The following TPTE2 variants were observed in gnomAD, a reference collection of about 807,000 sequenced individuals.
The protein encoded by TPTE2 is transmembrane phosphoinositide 3-phosphatase and tensin homolog 2, also known as phosphatidylinositol 3,4,5-trisphosphate 3-phosphatase TPTE2.
Under a neutral mutation model 78.6 loss-of-function variants are expected in TPTE2, and 53 were observed. The observed-to-expected ratio is 0.67, with a 90% CI of 0.54 to 0.85. The LOEUF (loss-of-function observed/expected upper bound fraction) is 0.85. Among genes scored for constraint, TPTE2 ranks in the 40% least tolerant of loss-of-function variants. The pLI is 0.00. For missense variants in TPTE2, 461 were observed against 623.0 expected (o/e 0.74, Z 2.77); for synonymous variants, 175 against 206.2 (o/e 0.85, Z 1.30).
upstream of TPTE2, chr13:19,503,322 A>C: frequency 1.2e-6 from 2 of 1,605,742 alleles, no homozygotes; most frequent in Non-Finnish European, 1.7e-6. Context: ...GACACAATTC[A>C]AAATTTACTT....
intron 10 of TPTE2, among the ~76,000 whole-genome samples, chr13:19,460,866 T>A (rs1279786380): frequency 6.6e-6 from 1 of 152,188 alleles, no homozygotes; most frequent in Non-Finnish European, 1.5e-5. Context: ...ATTAATTTAG[T>A]CATCCACAGA....
In TPTE2 at chr13:19,458,328, T is replaced by G. The variant is rs146179604; in HGVS notation, c.741+6128A>C. On this transcript the variant is annotated intron_variant, in intron 10 of 19. Transcript: ENST00000400230. ...GAATTCTGGTGTATGAGATCTATTA[T>G]ATCATAGGACACATAAAAAAGTCAT... 1.7e-5 allele frequency: 4 copies of G among 233,184 alleles called. No individual in the cohort carries two copies. The East Asian group carries it at 3.9e-4, about 23-fold the overall frequency. 14.4% of individuals were successfully genotyped at this position (233,184 alleles called of 1,614,324 possible).
At chr13:19,444,562 C>A (rs1291762103) in intron 13 of TPTE2, among the ~76,000 whole-genome samples, 1 of 151,894 alleles carries the variant, frequency 6.6e-6, no homozygotes, top group Non-Finnish European at 1.5e-5. Context: ...TGAAGAGGAC[C>A]TAACTAAATG....
intron 19 of TPTE2, among the ~76,000 whole-genome samples, chr13:19,424,317 T>C (rs980378615): frequency 6.6e-6 from 1 of 152,198 alleles, no homozygotes; most frequent in African/African-American, 2.4e-5. Flanking sequence ...GACTGAGAAA[T>C]GTGGTTCCAA....
Position 19,501,869 on chromosome 13 carries a change from A to C in TPTE2, c.11+1355T>G, listed in dbSNP as rs546202777. On this transcript the variant is annotated intron_variant, in intron 1 of 19. Coordinates refer to ENST00000400230, the Ensembl canonical transcript of TPTE2. ...ATCAGAGTGAACAGGCAACCTACAA[A>C]ATGGGAGAAAATTTTCGCAACCTAC... Among the ~76,000 whole-genome samples, 1,307 of 151,670 alleles carry C rather than the reference A, an allele frequency of 8.6e-3. 28 individuals carry two copies. The highest frequency in any genetic ancestry group is 0.03 in the African/African-American group (1,240 of 41,318).
chr13:19,525,169 A>C (rs1390001611), intron 1 of TPTE2, among the ~76,000 whole-genome samples: 1 of 152,114 alleles, frequency 6.6e-6, no homozygotes, highest in African/African-American at 2.4e-5. Context: ...TTGAGAGGAG[A>C]GACAGATTTG....
chr13:19,460,040 G>A (rs1441204864), intron 10 of TPTE2, among the ~76,000 whole-genome samples: 2 of 152,172 alleles, frequency 1.3e-5, no homozygotes, highest in African/African-American at 2.4e-5. Flanking sequence ...CCTGGATTCA[G>A]CCCACTTCCC....
chr13:19,506,634 A>G (rs1009700629), upstream of TPTE2, among the ~76,000 whole-genome samples: 1 of 152,224 alleles, frequency 6.6e-6, no homozygotes, highest in Non-Finnish European at 1.5e-5. Flanking sequence ...TACTCTAGAC[A>G]TGAGTCTACC....
chr13:19,442,074 T>C (rs1469784883), intron 13 of TPTE2, among the ~76,000 whole-genome samples: 3 of 152,034 alleles, frequency 2.0e-5, no homozygotes, highest in Admixed American at 1.3e-4. Context: ...ATAGAAGAGT[T>C]AAATAAAATA....
chr13:19,450,283 A>T, exon 12 of TPTE2: 1 of 1,611,372 alleles, frequency 6.2e-7, no homozygotes, highest in Non-Finnish European at 8.5e-7. Flanking sequence ...GGACATTATG[A>T]TCATCAATCA....
At chr13:19,489,814 GT>G (rs1880899542) in intron 3 of TPTE2, among the ~76,000 whole-genome samples, 1 of 151,284 alleles carries the variant, frequency 6.6e-6, no homozygotes, top group Admixed American at 6.6e-5. Flanking sequence ...AATAACATCA[GT>G]AGTTTTCAGT....
intron 15 of TPTE2, among the ~76,000 whole-genome samples, chr13:19,435,755 GACACACACACACACACACAC>G (rs60130804): frequency 7.3e-6 from 1 of 137,642 alleles, no homozygotes; most frequent in South Asian, 2.4e-4. Context: ...ACACAGAAAA[GACACACACACACACACACAC>G]ACACACACAC....
At chr13:19,490,464 A>AT (rs1280487535) in intron 3 of TPTE2, among the ~76,000 whole-genome samples, 6 of 152,098 alleles carry the variant, frequency 3.9e-5, no homozygotes, top group African/African-American at 1.4e-4. Flanking sequence ...CTGTAATGGA[A>AT]TTTTTCAGCC....
intron 3 of TPTE2, among the ~76,000 whole-genome samples, chr13:19,490,216 G>T (rs1880919229): frequency 6.6e-6 from 1 of 151,830 alleles, no homozygotes; most frequent in African/African-American, 2.4e-5. Context: ...TCCATATTTT[G>T]AAATCTCACC....
intron 10 of TPTE2, among the ~76,000 whole-genome samples, chr13:19,454,300 C>A (rs2137538431): frequency 6.6e-6 from 1 of 152,310 alleles, no homozygotes; most frequent in Non-Finnish European, 1.5e-5. Context: ...TGTTTAGCAT[C>A]CTCTCAGGAG....
At chr13:19,560,621 G>C in the TPTE2 span, 2 of 1,596,132 alleles carry the variant, frequency 1.3e-6, no homozygotes, top group Non-Finnish European at 1.7e-6. Context: ...ACGGCTGGAA[G>C]GTGCCCATCA....
intron 19 of TPTE2, among the ~76,000 whole-genome samples, chr13:19,423,714 A>C (rs1474332303): frequency 6.6e-6 from 1 of 152,232 alleles, no homozygotes; most frequent in Non-Finnish European, 1.5e-5. Context: ...TAACAAAAAC[A>C]GCTTTACCAA....
At chr13:19,545,542 C>G in the TPTE2 span, among the ~76,000 whole-genome samples, 1 of 152,176 alleles carries the variant, frequency 6.6e-6, no homozygotes, top group Admixed American at 6.5e-5. Context: ...CCATCCAGTT[C>G]TCAGCACGCA....
intron 4 of TPTE2, among the ~76,000 whole-genome samples, chr13:19,481,626 C>T (rs528944135): frequency 6.6e-6 from 1 of 152,312 alleles, no homozygotes; most frequent in African/African-American, 2.4e-5. Context: ...GAAGGAAATG[C>T]TTGCCTTGCT....
Sources: gnomAD v4.1 joint callset for allele counts (sites outside exome capture counted in the v4.1 genomes callset) on GRCh38, gnomAD v4.1.1 for gene constraint, MANE v1.5 for transcripts, NCBI Gene and HGNC (gene_info 2026-07-23, HGNC 2026-07-21) for gene names.